GLI2: variants seen among roughly 807,000 people sequenced by gnomAD.
The protein encoded by GLI2 is GLI family zinc finger 2.
GLI2 carries 22 observed loss-of-function variants against 78.9 expected under a neutral mutation model. The ratio of observed to expected loss-of-function variants is 0.28; its 90% CI spans 0.20 to 0.40. The LOEUF is 0.40. Ranked by LOEUF, GLI2 falls within the 10% of genes least tolerant of loss-of-function variation. The pLI, the probability that GLI2 is intolerant of heterozygous loss-of-function variation, is 1.00. For missense variants in GLI2, 2,097 were observed against 2,213.2 expected, an observed-to-expected ratio of 0.95 and a Z score of 1.05; for synonymous variants, 974 against 963.7, an observed-to-expected ratio of 1.01 and a Z score of -0.20.
At chr2:120,843,369 C>T (rs142321857) in intron 2 of GLI2, among the ~76,000 whole-genome samples, 8 of 152,322 alleles carry the variant, frequency 5.3e-5, no homozygotes, top group Middle Eastern at 3.4e-3. Flanking sequence ...GAGCCCATCA[C>T]TGTGGCTACC....
intron 2 of GLI2, among the ~76,000 whole-genome samples, chr2:120,881,609 G>C: frequency 1.2e-5 from 1 of 86,232 alleles, no homozygotes; most frequent in Non-Finnish European, 2.3e-5. Flanking sequence ...TGGGGTGGCG[G>C]GGGGGAGGAC....
chr2:120,980,188 G>A (rs1479819702), intron 10 of GLI2, among the ~76,000 whole-genome samples: 6 of 152,186 alleles, frequency 3.9e-5, no homozygotes, highest in Admixed American at 3.3e-4. Flanking sequence ...TGAGTCGTAT[G>A]GCAGTTGAGG....
intron 1 of GLI2, among the ~76,000 whole-genome samples, chr2:120,772,232 G>C (rs1218463598): frequency 6.6e-6 from 1 of 152,172 alleles, no homozygotes; most frequent in Non-Finnish European, 1.5e-5. Flanking sequence ...TGCTGGTCCT[G>C]TGTGAACCTC....
At chr2:120,962,924 C>T (rs1289051063) in intron 5 of GLI2, among the ~76,000 whole-genome samples, 1 of 152,204 alleles carries the variant, frequency 6.6e-6, no homozygotes, top group Non-Finnish European at 1.5e-5. Context: ...TTTCCCCTCA[C>T]ATTACCGTAT....
intron 1 of GLI2, among the ~76,000 whole-genome samples, chr2:120,763,044 G>A (rs182023037): frequency 2.1e-3 from 318 of 152,324 alleles, no homozygotes; most frequent in African/African-American, 7.4e-3. Context: ...GGAGGCTCTG[G>A]AGCCTGGCAT....
rs549791908 is a variant in GLI2 at position 120,792,831 on chromosome 2, C to A, written c.-30-4460C>A. Reference sequence around the variant, plus strand: ...AGAGACGGCCTTTCATCATGTTGGTCAAGACGGTCTTCATCTCCTGACCTC... The same window carrying A: ...AGAGACGGCCTTTCATCATGTTGGTAAAGACGGTCTTCATCTCCTGACCTC... On this transcript the variant is annotated intron_variant, in intron 1 of 13. Coordinates refer to ENST00000361492, the MANE Select transcript of GLI2 (RefSeq NM_001374353.1). Among the ~76,000 whole-genome samples the A allele has an allele frequency of 3.3e-5, 5 of 152,292 alleles. No homozygotes were observed. In the South Asian group the frequency reaches 1.0e-3, roughly 32 times the overall value.
At chr2:120,936,306 T>G (rs965939309) in intron 3 of GLI2, among the ~76,000 whole-genome samples, 1 of 152,112 alleles carries the variant, frequency 6.6e-6, no homozygotes, top group Non-Finnish European at 1.5e-5. Flanking sequence ...ACCTGGGACA[T>G]ACCGAGTGGC....
intron 1 of GLI2, among the ~76,000 whole-genome samples, chr2:120,740,329 A>G (rs1411441978): frequency 1.3e-5 from 2 of 152,158 alleles, no homozygotes; most frequent in South Asian, 2.1e-4. Flanking sequence ...CACATGGGGG[A>G]AAGTAACTCA....
intron 3 of GLI2, among the ~76,000 whole-genome samples, chr2:120,945,329 T>C (rs1680656544): frequency 6.6e-6 from 1 of 152,158 alleles, no homozygotes; most frequent in South Asian, 2.1e-4. Flanking sequence ...GGGCTTTGGT[T>C]GGTTGTCCTA....
At chr2:120,984,142 GC>G (rs1173508231) in intron 11 of GLI2, among the ~76,000 whole-genome samples, 1 of 152,108 alleles carries the variant, frequency 6.6e-6, no homozygotes. Context: ...TCGTACACTT[GC>G]TACTAGTACT....
At chr2:120,941,479 C>T (rs889427537) in intron 3 of GLI2, among the ~76,000 whole-genome samples, 2 of 152,132 alleles carry the variant, frequency 1.3e-5, no homozygotes, top group African/African-American at 4.8e-5. Flanking sequence ...TCGGTAGAGC[C>T]GAGGGTGGCA....
Position 120,984,500 on chromosome 2 carries a change from C to T in GLI2, c.1662C>T (p.Cys554=), listed in dbSNP as rs143055766. The T allele has an allele frequency of 2.4e-4, 381 of 1,614,224 alleles. No individual in the cohort carries two copies. The African/African-American group carries it at 3.6e-3, about 15-fold the overall frequency. ...EKPYICKIPG[C]TKRYTDPSSL... The stretch of plus-strand genomic sequence containing the variant: ...CCTACATCTGCAAGATCCCAGGCTG[C>T]ACCAAGAGATACACAGACCCCAGCT... The change falls in exon 12 of 14, where the codon TGC becomes TGT. Residue 554 remains cysteine (C), a synonymous_variant. Transcript: ENST00000361492.
chr2:120,855,706 C>T (rs1177614648), intron 2 of GLI2, among the ~76,000 whole-genome samples: 1 of 152,170 alleles, frequency 6.6e-6, no homozygotes, highest in Non-Finnish European at 1.5e-5. Flanking sequence ...TTATTTAATC[C>T]TCCAACAGCC....
chr2:120,806,551 G>C (rs971815468), intron 2 of GLI2, among the ~76,000 whole-genome samples: 1 of 152,192 alleles, frequency 6.6e-6, no homozygotes, highest in Non-Finnish European at 1.5e-5. Context: ...TGGCCCCCTG[G>C]GAGTGTGGGG....
At chr2:120,916,559 T>G (rs1315476600) in intron 2 of GLI2, among the ~76,000 whole-genome samples, 1 of 152,254 alleles carries the variant, frequency 6.6e-6, no homozygotes, top group Non-Finnish European at 1.5e-5. Flanking sequence ...AGGGTCAGGC[T>G]CTCCAGCTGT....
chr2:120,900,909 G>C (rs1020748928), intron 2 of GLI2, among the ~76,000 whole-genome samples: 2 of 152,132 alleles, frequency 1.3e-5, no homozygotes, highest in African/African-American at 4.8e-5. Context: ...ACTTTCCTTT[G>C]CACTTTTCAA....
At chr2:120,804,522 T>A (rs1246597496) in intron 2 of GLI2, among the ~76,000 whole-genome samples, 3 of 152,168 alleles carry the variant, frequency 2.0e-5, no homozygotes, top group Non-Finnish European at 2.9e-5. Flanking sequence ...GGGAGCTGAG[T>A]GGGCCACCTT....
chr2:120,787,803 T>A lies in GLI2; in HGVS notation c.-30-9488T>A, dbSNP rs1278843099. On this transcript the variant is annotated intron_variant, in intron 1 of 13. Coordinates refer to ENST00000361492, the MANE Select transcript of GLI2 (RefSeq NM_001374353.1). ...TGGTGTCAGGGAGAGACCCTGGACC[T>A]CTAGGCTTCAGGGCTCTCCAGGGAG... Among the ~76,000 whole-genome samples, 8 of 152,126 alleles carry A rather than the reference T, an allele frequency of 5.3e-5. No homozygotes were observed. The East Asian group carries it at 1.5e-3, about 29-fold the overall frequency.
At chr2:120,980,297 G>A (rs1177810264) in intron 10 of GLI2, among the ~76,000 whole-genome samples, 1 of 152,180 alleles carries the variant, frequency 6.6e-6, no homozygotes, top group Non-Finnish European at 1.5e-5. Flanking sequence ...AACACTGGTT[G>A]TTACCTGTCT....
Sources: allele counts gnomAD v4.1 joint callset (sites outside exome capture counted in the v4.1 genomes callset), GRCh38; gene constraint gnomAD v4.1.1; transcripts MANE v1.5; gene names NCBI Gene and HGNC (gene_info 2026-07-23, HGNC 2026-07-21).